OSBPL1A: variants seen among roughly 807,000 people sequenced by gnomAD.
OSBPL1A encodes the protein oxysterol binding protein like 1A.
A neutral mutation model predicts 137.1 loss-of-function variants in OSBPL1A; 80 were observed. The observed-to-expected ratio is 0.58, with a 90% CI of 0.49 to 0.70. The LOEUF (loss-of-function observed/expected upper bound fraction) is 0.70. Among genes scored for constraint, OSBPL1A ranks in the 30% least tolerant of loss-of-function variants. OSBPL1A has a pLI of 0.00. For missense variants in OSBPL1A, 970 were observed against 1,129.4 expected (o/e 0.86, Z 2.02); for synonymous variants, 365 against 389.7 (o/e 0.94, Z 0.75).
chr18:24,372,709 T>A (rs1905756608), intron 2 of OSBPL1A, among the ~76,000 whole-genome samples: 1 of 152,286 alleles, frequency 6.6e-6, no homozygotes, highest in East Asian at 1.9e-4. Context: ...TCTGACAGCT[T>A]GTGACCTGGT....
chr18:24,232,391 T>C (rs1433343081), intron 16 of OSBPL1A, among the ~76,000 whole-genome samples: 1 of 152,220 alleles, frequency 6.6e-6, no homozygotes, highest in East Asian at 1.9e-4. Flanking sequence ...CTGAATGATG[T>C]CCAAGGTCAA....
chr18:24,200,106 A>G (rs1189029152), intron 17 of OSBPL1A, among the ~76,000 whole-genome samples: 4 of 152,258 alleles, frequency 2.6e-5, no homozygotes, highest in African/African-American at 9.6e-5. Flanking sequence ...AAATGATGTT[A>G]TACTTTTTTC....
Position 24,162,214 on chromosome 18 carries a change from G to A in OSBPL1A, c.*965C>T, listed in dbSNP as rs1470674238. 6.6e-6 allele frequency: 1 copy of A among 152,192 alleles called. No individual in the cohort carries two copies. Among genetic ancestry groups the A allele is most frequent in the African/African-American group, 2.4e-5 (1 of 41,440 alleles). 9.4% of individuals were successfully genotyped at this position (152,192 alleles called of 1,614,324 possible). ...GGATAAATACTATAAGATTTAAGAT[G>A]AATGTGCCCCAATTAAAGGGGCAAA... On this transcript the variant is annotated 3_prime_UTR_variant, in exon 28 of 28. Coordinates refer to ENST00000319481, the MANE Select transcript of OSBPL1A (RefSeq NM_080597.4).
intron 7 of OSBPL1A, among the ~76,000 whole-genome samples, chr18:24,322,331 C>T (rs1278845288): frequency 6.6e-6 from 1 of 150,986 alleles, no homozygotes; most frequent in Non-Finnish European, 1.5e-5. Context: ...CTGTGTTAGC[C>T]AGGATGGTCT....
At chr18:24,365,816 T>C (rs988708785) in intron 4 of OSBPL1A, among the ~76,000 whole-genome samples, 5 of 152,160 alleles carry the variant, frequency 3.3e-5, no homozygotes, top group African/African-American at 1.2e-4. Context: ...AAATTATGCT[T>C]TTCCTCTGCT....
chr18:24,372,843 C>T (rs954312515), intron 2 of OSBPL1A, among the ~76,000 whole-genome samples: 3 of 152,132 alleles, frequency 2.0e-5, no homozygotes, highest in Admixed American at 6.5e-5. Context: ...GTGGGCAGAT[C>T]ACTTGAGGTC....
intron 15 of OSBPL1A, among the ~76,000 whole-genome samples, chr18:24,247,894 T>G (rs1256074375): frequency 1.3e-5 from 2 of 152,146 alleles, no homozygotes; most frequent in East Asian, 3.8e-4. Flanking sequence ...GAAGGGGTTG[T>G]GGGGTCAATG....
chr18:24,177,323 G>T (rs902974473), intron 21 of OSBPL1A, among the ~76,000 whole-genome samples: 9 of 152,124 alleles, frequency 5.9e-5, no homozygotes, highest in African/African-American at 1.9e-4. Context: ...GAACTTTTTC[G>T]GTCGGCCTCT....
intron 18 of OSBPL1A, among the ~76,000 whole-genome samples, chr18:24,185,826 C>T (rs1288427593): frequency 1.3e-5 from 2 of 152,168 alleles, no homozygotes; most frequent in Admixed American, 1.3e-4. Flanking sequence ...AATCTCACCA[C>T]TTTGGGGACC....
intron 15 of OSBPL1A, among the ~76,000 whole-genome samples, chr18:24,260,882 T>C (rs906264873): frequency 1.3e-5 from 2 of 150,428 alleles, no homozygotes; most frequent in African/African-American, 2.4e-5. Context: ...ATATGACCTA[T>C]GACCTGGCCA....
intron 21 of OSBPL1A, among the ~76,000 whole-genome samples, chr18:24,173,658 C>T (rs563837629): frequency 6.6e-5 from 10 of 152,328 alleles, no homozygotes; most frequent in South Asian, 2.1e-4. Flanking sequence ...GGTGATCCAC[C>T]CGCCTTGGCC....
At chr18:24,348,439 A>G (rs972120003) in intron 4 of OSBPL1A, among the ~76,000 whole-genome samples, 2 of 152,160 alleles carry the variant, frequency 1.3e-5, no homozygotes, top group East Asian at 3.8e-4. Context: ...AAGATATGGA[A>G]CCTGAGGCAC....
At chr18:24,196,881 A>G (rs1232216358) in intron 17 of OSBPL1A, among the ~76,000 whole-genome samples, 2 of 152,204 alleles carry the variant, frequency 1.3e-5, no homozygotes, top group Non-Finnish European at 2.9e-5. Flanking sequence ...TAGCCAAGGG[A>G]TGACGGCTGC....
At chr18:24,383,043 T>C (rs962659833) in intron 1 of OSBPL1A, among the ~76,000 whole-genome samples, 13 of 152,184 alleles carry the variant, frequency 8.5e-5, no homozygotes, top group Non-Finnish European at 1.9e-4. Context: ...ATGTCAACAG[T>C]GGTTACTCCT....
chr18:24,247,906 A>C (rs1484174212), intron 15 of OSBPL1A, among the ~76,000 whole-genome samples: 1 of 152,194 alleles, frequency 6.6e-6, no homozygotes, highest in Non-Finnish European at 1.5e-5. Flanking sequence ...GGGTCAATGA[A>C]GTTTTCATTA....
intron 18 of OSBPL1A, among the ~76,000 whole-genome samples, chr18:24,190,173 G>A (rs1322753112): frequency 6.6e-6 from 1 of 152,018 alleles, no homozygotes; most frequent in African/African-American, 2.4e-5. Flanking sequence ...AGAAACAATG[G>A]AAGCATGGGC....
At chr18:24,293,691 T>C (rs185237668) in intron 14 of OSBPL1A, among the ~76,000 whole-genome samples, 2 of 150,708 alleles carry the variant, frequency 1.3e-5, no homozygotes, top group East Asian at 3.9e-4. Flanking sequence ...CCAATGAGGC[T>C]GGAGAGGAGC....
At chr18:24,280,309 T>C (rs1011563841) in intron 15 of OSBPL1A, among the ~76,000 whole-genome samples, 1 of 152,124 alleles carries the variant, frequency 6.6e-6, no homozygotes, top group Non-Finnish European at 1.5e-5. Context: ...TTCGAACTCC[T>C]GACTTCAGGT....
At chr18:24,243,246 TAAAC>T (rs966293852) in intron 15 of OSBPL1A, among the ~76,000 whole-genome samples, 1 of 152,034 alleles carries the variant, frequency 6.6e-6, no homozygotes, top group East Asian at 1.9e-4. Flanking sequence ...AAATAAAAAA[TAAAC>T]AAGGACTACA....
Sources: gnomAD v4.1 joint callset for allele counts (sites outside exome capture counted in the v4.1 genomes callset) on GRCh38, gnomAD v4.1.1 for gene constraint, MANE v1.5 for transcripts, NCBI Gene and HGNC (gene_info 2026-07-23, HGNC 2026-07-21) for gene names.